Variants in TMEM131 observed in about 807,000 individuals in gnomAD.
The protein encoded by TMEM131 is transmembrane protein 131.
Under a neutral mutation model 211.6 loss-of-function variants are expected in TMEM131, and 66 were observed. That is an observed-to-expected ratio of 0.31 (90% CI 0.26 to 0.38). The LOEUF is 0.38. Ranked by LOEUF, TMEM131 falls within the 10% of genes least tolerant of loss-of-function variation. TMEM131 has a pLI of 1.00. For missense variants in TMEM131, 2,036 were observed against 2,299.3 expected (o/e 0.89, Z 2.34); for synonymous variants, 844 against 841.3 (o/e 1.00, Z -0.06).
chr2:97,758,445 C>T (rs897806832), intron 40 of TMEM131, among the ~76,000 whole-genome samples: 2 of 152,232 alleles, frequency 1.3e-5, no homozygotes, highest in Non-Finnish European at 2.9e-5. Context: ...AAAATCTAAC[C>T]TAAGAGACAG....
intron 4 of TMEM131, among the ~76,000 whole-genome samples, chr2:97,862,075 G>C (rs62154555): frequency 0.075 from 11,454 of 152,224 alleles, 527 homozygotes; most frequent in Middle Eastern, 0.12. Flanking sequence ...AAGAGAACAG[G>C]AATCTTTGCC....
intron 11 of TMEM131, among the ~76,000 whole-genome samples, chr2:97,829,555 A>G (rs1315057988): frequency 6.6e-6 from 1 of 151,776 alleles, no homozygotes; most frequent in Non-Finnish European, 1.5e-5. Context: ...TCAGCAGAAC[A>G]TGGCGGGGAG....
chr2:97,978,279 A>C (rs1293419736), intron 1 of TMEM131, among the ~76,000 whole-genome samples: 1 of 152,086 alleles, frequency 6.6e-6, no homozygotes, highest in Admixed American at 6.5e-5. Flanking sequence ...AATACCCTGA[A>C]TCCTTTGCTG....
chr2:97,930,039 T>C lies in TMEM131; in HGVS notation c.188-2552A>G, dbSNP rs184190617. On this transcript the variant is annotated intron_variant, in intron 1 of 40. Transcript: ENST00000186436. ...CCCATTCCTCACCTGTTCCCCCCAC[T>C]TTTTAACACAAACTGAAATTTCACA... Among the ~76,000 whole-genome samples the C allele has an allele frequency of 1.4e-3, 220 of 151,914 alleles. 5 individuals are homozygous for C. The highest frequency in any genetic ancestry group is 5.1e-3 in the African/African-American group (209 of 41,198).
At chr2:97,882,451 G>C (rs1364617209) in intron 4 of TMEM131, among the ~76,000 whole-genome samples, 7 of 152,206 alleles carry the variant, frequency 4.6e-5, no homozygotes, top group African/African-American at 1.7e-4. Flanking sequence ...AGGTGAGTCT[G>C]TGACTTTGTC....
chr2:97,985,522 T>C (rs376572990), intron 1 of TMEM131, among the ~76,000 whole-genome samples: 4 of 152,070 alleles, frequency 2.6e-5, no homozygotes, highest in African/African-American at 9.7e-5. Context: ...TGAGGATTCA[T>C]AGGGAATAAA....
At chr2:97,943,095 A>AAGAG (rs1677873489) in intron 1 of TMEM131, among the ~76,000 whole-genome samples, 1 of 147,710 alleles carries the variant, frequency 6.8e-6, no homozygotes, top group Non-Finnish European at 1.5e-5. Context: ...GAAAGAAAGA[A>AAGAG]AGAAAGAGCT....
At chr2:97,902,090 A>G (rs1458972385) in intron 3 of TMEM131, among the ~76,000 whole-genome samples, 1 of 152,176 alleles carries the variant, frequency 6.6e-6, no homozygotes, top group Non-Finnish European at 1.5e-5. Context: ...AATAATAAAA[A>G]AAAATTTTAA....
intron 1 of TMEM131, among the ~76,000 whole-genome samples, chr2:97,959,570 T>TGC (rs1678726776): frequency 6.6e-6 from 1 of 152,038 alleles, no homozygotes. Context: ...TGTGTGTGTG[T>TGC]GTGTGTATCT....
At chr2:97,883,286 T>C (rs1307800345) in intron 4 of TMEM131, among the ~76,000 whole-genome samples, 3 of 152,242 alleles carry the variant, frequency 2.0e-5, no homozygotes, top group Admixed American at 6.5e-5. Context: ...TGGAGCAGCA[T>C]GTAAATCCGC....
intron 1 of TMEM131, among the ~76,000 whole-genome samples, chr2:97,962,807 C>A (rs1316528272): frequency 6.6e-6 from 1 of 152,154 alleles, no homozygotes; most frequent in East Asian, 1.9e-4. Context: ...AGGTAAAAAA[C>A]TAAATTGTAG....
chr2:97,862,644 G>C (rs1315330475), intron 4 of TMEM131, among the ~76,000 whole-genome samples: 1 of 151,926 alleles, frequency 6.6e-6, no homozygotes. Flanking sequence ...GCAGAAGAAA[G>C]AATTAGTGAG....
intron 2 of TMEM131, among the ~76,000 whole-genome samples, chr2:97,921,204 C>G (rs1676727225): frequency 6.6e-6 from 1 of 152,070 alleles, no homozygotes; most frequent in South Asian, 2.1e-4. Flanking sequence ...GAAACAGGCT[C>G]ACACATATAT....
chr2:97,885,349 G>A (rs1023086902), intron 4 of TMEM131, among the ~76,000 whole-genome samples: 4 of 150,310 alleles, frequency 2.7e-5, no homozygotes, highest in African/African-American at 1.0e-4. Flanking sequence ...CCGCCACCAC[G>A]CCCAGCTAAT....
chr2:97,841,156 C>G (rs1453414226), intron 7 of TMEM131, among the ~76,000 whole-genome samples: 1 of 152,178 alleles, frequency 6.6e-6, no homozygotes, highest in African/African-American at 2.4e-5. Context: ...CAACTAGAAG[C>G]CACAGAGGCT....
At chr2:97,772,786 A>G (rs1189810738) in intron 32 of TMEM131, among the ~76,000 whole-genome samples, 1 of 152,234 alleles carries the variant, frequency 6.6e-6, no homozygotes, top group Non-Finnish European at 1.5e-5. Context: ...AATCCCAGCT[A>G]CTTGGGAGGC....
chr2:97,822,696 G>C (rs2105014043), intron 11 of TMEM131, among the ~76,000 whole-genome samples: 1 of 152,260 alleles, frequency 6.6e-6, no homozygotes, highest in South Asian at 2.1e-4. Context: ...AGGAAAACTA[G>C]TGTTTCTGCT....
intron 11 of TMEM131, among the ~76,000 whole-genome samples, chr2:97,820,854 T>TAA (rs369311007): frequency 7.4e-6 from 1 of 136,010 alleles, no homozygotes; most frequent in Admixed American, 7.4e-5. Flanking sequence ...AGACTCCTTC[T>TAA]AAAAAAAAAA....
chr2:97,875,335 C>A (rs1049858175), intron 4 of TMEM131, among the ~76,000 whole-genome samples: 1 of 152,198 alleles, frequency 6.6e-6, no homozygotes, highest in Admixed American at 6.5e-5. Flanking sequence ...CAAGGATATT[C>A]AGGACCTGAA....
Sources: gnomAD v4.1 joint callset for allele counts (sites outside exome capture counted in the v4.1 genomes callset) on GRCh38, gnomAD v4.1.1 for gene constraint, MANE v1.5 for transcripts, NCBI Gene and HGNC (gene_info 2026-07-23, HGNC 2026-07-21) for gene names.